Variants in NEK11 observed in about 807,000 individuals in gnomAD.
NEK11 encodes NIMA related kinase 11.
Under a neutral mutation model 80.7 loss-of-function variants are expected in NEK11, and 72 were observed. The observed-to-expected ratio is 0.89, with a 90% CI of 0.74 to 1.08. The LOEUF is 1.08. NEK11 is among the 50% of genes least tolerant of loss of function. The pLI is 0.00. For synonymous variants in NEK11, 251 were observed against 260.7 expected (o/e 0.96, Z 0.36); for missense variants, 764 against 763.6 (o/e 1.00, Z -0.01).
chr3:131,272,440 TGCTAATGGGCCAGTTTTA>T (rs1456248374), intron 16 of NEK11, among the ~76,000 whole-genome samples: 1 of 148,918 alleles, frequency 6.7e-6, no homozygotes, highest in Non-Finnish European at 1.5e-5. Context: ...CCTGAGCTCT[TGCTAATGGGCCAGTTTTA>T]GCTTCTTTTT....
rs2097429167 is a variant in NEK11, at chr3:131,350,014, C to G, written c.*238C>G. On this transcript the variant is annotated 3_prime_UTR_variant, in exon 18 of 18. Transcript: ENST00000383366. ...AGATAAGCTTATAGATCAAGTTTGG[C>G]TCCCTTGAAAAGCATTTCTCTCATG... The G allele has an allele frequency of 2.1e-6, 1 of 484,400 alleles. No individual in the cohort carries two copies. Among genetic ancestry groups the G allele is most frequent in the Non-Finnish European group, 3.7e-6 (1 of 270,302 alleles). The allele number at this position is 484,400 out of a possible 1,614,324, so 30.0% of individuals were successfully genotyped here. A position where few individuals can be genotyped will look rare whatever the true frequency, so the allele number is the denominator to read the frequency against.
At position 131,323,220 on chromosome 3, in the gene NEK11, TA is replaced by T. The variant is rs2096915013; in HGVS notation, c.1719-26331del. On this transcript the variant is annotated intron_variant, in intron 17 of 17. Transcript: ENST00000383366. ...TTCTCTTTTGGCTTCAGAAAGCAATTAAAAAACTCAGCATTTCTAGGCAAAA... is the reference window on the plus strand; with the variant it reads ...TTCTCTTTTGGCTTCAGAAAGCAATTAAAAACTCAGCATTTCTAGGCAAAA... 3.3e-5 allele frequency among the ~76,000 whole-genome samples: 5 copies of T among 152,296 alleles called. No homozygotes were observed. The South Asian group carries it at 1.0e-3, about 32-fold the overall frequency.
chr3:131,326,973 T>C (rs1448787284), intron 17 of NEK11, among the ~76,000 whole-genome samples: 1 of 152,160 alleles, frequency 6.6e-6, no homozygotes, highest in Admixed American at 6.5e-5. Flanking sequence ...GTCTAAGCTT[T>C]CTTCCCCTCC....
rs572699361 is a variant in NEK11, at chr3:131,123,812, A to C, written c.456-8933A>C. Among the ~76,000 whole-genome samples the C allele has an allele frequency of 6.6e-5, 10 of 152,194 alleles. No homozygotes were observed. The South Asian group carries it at 2.1e-3, about 32-fold the overall frequency. ...AAACCTGTTGTCTCTTTGACTTCCT[A>C]GAATCAATAGCTATAGAAACCAAGT... On this transcript the variant is annotated intron_variant, in intron 5 of 17. Coordinates refer to ENST00000383366, the MANE Select transcript of NEK11 (RefSeq NM_024800.5).
chr3:131,255,004 G>A (rs947208991), intron 16 of NEK11, among the ~76,000 whole-genome samples: 2 of 149,482 alleles, frequency 1.3e-5, no homozygotes, highest in African/African-American at 4.9e-5. Flanking sequence ...TGGGTGAGAA[G>A]AGCAAGACTC....
At position 131,150,600 on chromosome 3, in the gene NEK11, T is replaced by C. The variant is rs146998960; in HGVS notation, c.648-1788T>C. 4.5e-4 allele frequency among the ~76,000 whole-genome samples: 68 copies of C among 152,192 alleles called. No homozygotes were observed. In the East Asian group the frequency reaches 0.013, roughly 28 times the overall value. On this transcript the variant is annotated intron_variant, in intron 7 of 17. Coordinates refer to ENST00000383366, the MANE Select transcript of NEK11 (RefSeq NM_024800.5). ...TGTATTCCTATATTTAAAGTTTGTT[T>C]TGTGAGCAGAATATACCTTTTTTCC...
intron 4 of NEK11, among the ~76,000 whole-genome samples, chr3:131,100,927 G>T (rs2078276046): frequency 6.6e-6 from 1 of 152,070 alleles, no homozygotes. Context: ...CTCAGTATTG[G>T]TCTATTCAGA....
Position 131,255,050 on chromosome 3 carries a change from G to GAGACAGAC in NEK11, c.1621+11570_1621+11577dup, listed in dbSNP as rs59934459. 8.2e-3 allele frequency among the ~76,000 whole-genome samples: 1,083 copies of GAGACAGAC among 132,678 alleles called. 22 individuals are homozygous for GAGACAGAC. The highest frequency in any genetic ancestry group is 0.027 in the African/African-American group (965 of 35,864). The allele number at this position is 132,678 out of a possible 152,430, so 87.0% of individuals were successfully genotyped here. On this transcript the variant is annotated intron_variant, in intron 16 of 17. Coordinates refer to ENST00000383366, the MANE Select transcript of NEK11 (RefSeq NM_024800.5). ...AGAAAGAAAGAGAGAGAGAGAGAGA[G>GAGACAGAC]AGACAGACAGACAGACAGACAGAAA...
At chr3:131,144,575 C>T (rs148114131) in intron 7 of NEK11, among the ~76,000 whole-genome samples, 9 of 152,180 alleles carry the variant, frequency 5.9e-5, no homozygotes, top group African/African-American at 9.6e-5. Context: ...GGTTACCTAC[C>T]GTATGTATTT....
chr3:131,257,172 T>A (rs549701478), intron 16 of NEK11, among the ~76,000 whole-genome samples: 1 of 151,864 alleles, frequency 6.6e-6, no homozygotes, highest in South Asian at 2.1e-4. Flanking sequence ...TTTTTTGTAT[T>A]TTTTGTAGAG....
At chr3:131,050,689 A>G (rs1057143061) in intron 3 of NEK11, among the ~76,000 whole-genome samples, 1 of 152,226 alleles carries the variant, frequency 6.6e-6, no homozygotes, top group African/African-American at 2.4e-5. Context: ...TAAAAATGCC[A>G]TATATTTTCC....
intron 17 of NEK11, among the ~76,000 whole-genome samples, chr3:131,304,036 CTCTT>C (rs1178649019): frequency 6.6e-6 from 1 of 152,204 alleles, no homozygotes; most frequent in Non-Finnish European, 1.5e-5. Context: ...TTCTGTCCCT[CTCTT>C]TCACATATAC....
intron 3 of NEK11, among the ~76,000 whole-genome samples, chr3:131,048,503 G>T (rs1448107328): frequency 6.6e-6 from 1 of 152,182 alleles, no homozygotes; most frequent in Non-Finnish European, 1.5e-5. Flanking sequence ...ATTTCACTTG[G>T]CTCTCTAAAT....
At chr3:131,237,159 G>A (rs1362388923) in intron 15 of NEK11, among the ~76,000 whole-genome samples, 1 of 152,022 alleles carries the variant, frequency 6.6e-6, no homozygotes, top group African/African-American at 2.4e-5. Context: ...GGGCAACATA[G>A]TGAGACCTAA....
intron 14 of NEK11, among the ~76,000 whole-genome samples, chr3:131,178,001 A>G (rs750230784): frequency 6.6e-5 from 10 of 152,238 alleles, no homozygotes; most frequent in Non-Finnish European, 1.3e-4. Context: ...CTCCTGCACT[A>G]CAAACCTGTA....
intron 3 of NEK11, among the ~76,000 whole-genome samples, chr3:131,037,489 G>A (rs2065829914): frequency 6.6e-6 from 1 of 152,074 alleles, no homozygotes; most frequent in African/African-American, 2.4e-5. Flanking sequence ...TCACCATCTT[G>A]GCCAGGCTAG....
intron 16 of NEK11, among the ~76,000 whole-genome samples, chr3:131,256,685 G>T (rs1217742836): frequency 6.6e-6 from 1 of 152,080 alleles, no homozygotes; most frequent in Non-Finnish European, 1.5e-5. Flanking sequence ...GGCGTAACTG[G>T]ATGGTTCTGG....
At chr3:131,120,010 A>T (rs1440770005) in intron 5 of NEK11, among the ~76,000 whole-genome samples, 1 of 152,160 alleles carries the variant, frequency 6.6e-6, no homozygotes, top group East Asian at 1.9e-4. Context: ...TGTGAATTTG[A>T]TCCTGTCATT....
chr3:131,285,139 A>G (rs1415369232), intron 17 of NEK11, among the ~76,000 whole-genome samples: 1 of 152,230 alleles, frequency 6.6e-6, no homozygotes, highest in East Asian at 1.9e-4. Context: ...CAAACTAATC[A>G]TTAGGCATCC....
Sources: gnomAD v4.1 joint callset for allele counts (sites outside exome capture counted in the v4.1 genomes callset) on GRCh38, gnomAD v4.1.1 for gene constraint, MANE v1.5 for transcripts, NCBI Gene and HGNC (gene_info 2026-07-23, HGNC 2026-07-21) for gene names.